Variants in SHC4 observed in about 807,000 individuals in gnomAD.
SHC4 encodes the protein SHC-transforming protein 4.
Under a neutral mutation model 69.4 loss-of-function variants are expected in SHC4, and 41 were observed. The ratio of observed to expected loss-of-function variants is 0.59; its 90% CI spans 0.46 to 0.77. SHC4 has a LOEUF of 0.77. Ranked by LOEUF, SHC4 falls within the 30% of genes least tolerant of loss-of-function variation. The pLI, the probability that SHC4 is intolerant of heterozygous loss-of-function variation, is 0.00. For synonymous variants in SHC4, 318 were observed against 299.3 expected, an observed-to-expected ratio of 1.06 and a Z score of -0.64; for missense variants, 777 against 783.8, an observed-to-expected ratio of 0.99 and a Z score of 0.10.
At chr15:48,874,373 G>A (rs1306328653) in intron 4 of SHC4, among the ~76,000 whole-genome samples, 1 of 152,174 alleles carries the variant, frequency 6.6e-6, no homozygotes, top group Non-Finnish European at 1.5e-5. Context: ...CCTGGCCAGA[G>A]ACCAAGTACC....
chr15:48,849,224 T>C (rs1427059862), intron 9 of SHC4, among the ~76,000 whole-genome samples: 2 of 152,112 alleles, frequency 1.3e-5, no homozygotes, highest in South Asian at 2.1e-4. Context: ...CTCTCTCTTC[T>C]TTCCCCTGCT....
intron 2 of SHC4, among the ~76,000 whole-genome samples, chr15:48,897,075 G>C (rs1234875772): frequency 6.6e-6 from 1 of 152,196 alleles, no homozygotes. Context: ...AACCTTTTTG[G>C]AGCTGAGTGG....
chr15:48,950,109 A>G (rs1335352731), intron 1 of SHC4, among the ~76,000 whole-genome samples: 1 of 144,098 alleles, frequency 6.9e-6, no homozygotes, highest in African/African-American at 2.5e-5. Flanking sequence ...TAGTAAATAC[A>G]TAATTATATA....
At chr15:48,850,484 T>A (rs944564776) in intron 9 of SHC4, among the ~76,000 whole-genome samples, 1 of 152,240 alleles carries the variant, frequency 6.6e-6, no homozygotes, top group African/African-American at 2.4e-5. Context: ...GTTATCCATC[T>A]GTATTCTCCA....
intron 2 of SHC4, among the ~76,000 whole-genome samples, chr15:48,916,611 GGACA>G (rs1279141296): frequency 6.6e-6 from 1 of 151,504 alleles, no homozygotes; most frequent in Non-Finnish European, 1.5e-5. Context: ...GAATGGAATG[GGACA>G]GATACACCAC....
chr15:48,941,755 T>G (rs1311565694), intron 1 of SHC4, among the ~76,000 whole-genome samples: 2 of 152,194 alleles, frequency 1.3e-5, no homozygotes, highest in Non-Finnish European at 2.9e-5. Context: ...AATCTTCTTT[T>G]GGTGTTAATT....
chr15:48,877,650 A>C, intron 4 of SHC4: 2 of 764,306 alleles, frequency 2.6e-6, no homozygotes, highest in Non-Finnish European at 1.6e-6. Flanking sequence ...AAAAAAAAAA[A>C]AGTACAATAT....
chr15:48,875,726 C>G (rs534648636), intron 4 of SHC4, among the ~76,000 whole-genome samples: 1 of 152,122 alleles, frequency 6.6e-6, no homozygotes, highest in Non-Finnish European at 1.5e-5. Flanking sequence ...CATTTTGCAT[C>G]GGTATATGCA....
At chr15:48,836,347 A>C (rs1286244115) in intron 10 of SHC4, among the ~76,000 whole-genome samples, 2 of 152,182 alleles carry the variant, frequency 1.3e-5, no homozygotes, top group Admixed American at 6.5e-5. Context: ...CTTTTAGTAG[A>C]ATCTAGCCAC....
At chr15:48,861,238 A>G (rs1340022799) in intron 6 of SHC4, among the ~76,000 whole-genome samples, 1 of 152,184 alleles carries the variant, frequency 6.6e-6, no homozygotes, top group Admixed American at 6.5e-5. Context: ...AGCTGGGACT[A>G]CAGGCATGCC....
At chr15:48,923,544 C>CAAAAAAAAA (rs3075016) in intron 2 of SHC4, among the ~76,000 whole-genome samples, 2 of 93,006 alleles carry the variant, frequency 2.2e-5, no homozygotes, top group African/African-American at 8.6e-5. Context: ...GACTCTGTCT[C>CAAAAAAAAA]AAAAAAAAAA....
intron 5 of SHC4, among the ~76,000 whole-genome samples, chr15:48,870,726 T>C (rs973784610): frequency 9.9e-5 from 15 of 152,004 alleles, no homozygotes; most frequent in African/African-American, 1.9e-4. Flanking sequence ...ATACTTTAGG[T>C]CATTGGTAGC....
At chr15:48,932,366 G>T (rs971092189) in intron 1 of SHC4, among the ~76,000 whole-genome samples, 6 of 152,090 alleles carry the variant, frequency 3.9e-5, no homozygotes, top group African/African-American at 1.4e-4. Flanking sequence ...AAGCAATCAG[G>T]TCCTTCTACT....
At chr15:48,956,394 C>T (rs1242825225) in intron 1 of SHC4, among the ~76,000 whole-genome samples, 1 of 152,158 alleles carries the variant, frequency 6.6e-6, no homozygotes, top group Non-Finnish European at 1.5e-5. Context: ...AGTTACCAGG[C>T]TATGTGTGTG....
At chr15:48,852,507 T>G (rs1899233803) in intron 8 of SHC4, among the ~76,000 whole-genome samples, 1 of 152,102 alleles carries the variant, frequency 6.6e-6, no homozygotes, top group Non-Finnish European at 1.5e-5. Context: ...TAATAAAATG[T>G]TGGAAAATGT....
At chr15:48,840,692 C>T (rs554296508) in intron 10 of SHC4, among the ~76,000 whole-genome samples, 266 of 152,264 alleles carry the variant, frequency 1.7e-3, no homozygotes, top group Non-Finnish European at 3.2e-3. Flanking sequence ...AGCTAAGCCA[C>T]GAAGCCTCAC....
chr15:48,911,613 T>C (rs1056416361), intron 2 of SHC4, among the ~76,000 whole-genome samples: 2 of 152,190 alleles, frequency 1.3e-5, no homozygotes. Flanking sequence ...TTCATCGTGC[T>C]CTTTGTTGCC....
chr15:48,835,208 A>G (rs1225601865), intron 10 of SHC4, among the ~76,000 whole-genome samples, 186 bp from the exon 11 acceptor site: 1 of 152,218 alleles, frequency 6.6e-6, no homozygotes, highest in East Asian at 1.9e-4. Context: ...ATTTAATGGT[A>G]GATCCAAACA....
chr15:48,876,096 G>A (rs980253562), intron 4 of SHC4, among the ~76,000 whole-genome samples: 15 of 152,094 alleles, frequency 9.9e-5, no homozygotes, highest in African/African-American at 3.4e-4. Context: ...CACCATTGGC[G>A]GCACATTTCA....
Sources: allele counts gnomAD v4.1 joint callset (sites outside exome capture counted in the v4.1 genomes callset), GRCh38; gene constraint gnomAD v4.1.1; transcripts MANE v1.5; gene names NCBI Gene and HGNC (gene_info 2026-07-23, HGNC 2026-07-21).